ITGA11: variants seen among roughly 807,000 people sequenced by gnomAD.
ITGA11 encodes integrin subunit alpha 11, also known as integrin alpha-11.
In ITGA11, 97 loss-of-function variants were observed where a neutral mutation model predicts 141.9. The observed-to-expected ratio is 0.68, with a 90% CI of 0.58 to 0.81. The LOEUF is 0.81. Among genes scored for constraint, ITGA11 ranks in the 30% least tolerant of loss-of-function variants. The probability of loss-of-function intolerance (pLI) is 0.00; values close to 1 mark genes in which losing one functional copy is unlikely to be tolerated. For missense variants in ITGA11, 1,387 were observed against 1,559.2 expected (o/e 0.89, Z 1.86); for synonymous variants, 658 against 624.6 (o/e 1.05, Z -0.80).
chr15:68,355,457 T>A (rs906795386), intron 7 of ITGA11, among the ~76,000 whole-genome samples: 30 of 151,078 alleles, frequency 2.0e-4, no homozygotes, highest in African/African-American at 7.3e-4. Context: ...CTTTTTTTCT[T>A]TTTTTTTTGA....
In ITGA11 at chr15:68,321,611, C is replaced by T; in HGVS notation, c.2323-108G>A. On this transcript the variant is annotated intron_variant, in intron 18 of 29. Transcript: ENST00000315757. The surrounding 1 kb of genome is among the most constrained non-coding windows in gnomAD (Gnocchi z 4.9). Reference sequence around the variant, plus strand: ...CCACACTAGACATGGGCTGGCTTTCCTGCACTGTCCCCAGACACCACACTG... The same window carrying T: ...CCACACTAGACATGGGCTGGCTTTCTTGCACTGTCCCCAGACACCACACTG... The T allele has an allele frequency of 1.8e-6, 1 of 568,534 alleles. No homozygotes were observed. The highest frequency in any genetic ancestry group is 3.1e-6 in the Non-Finnish European group (1 of 325,962). The allele number at this position is 568,534 out of a possible 1,614,324, so 35.2% of individuals were successfully genotyped here. A position where few individuals can be genotyped will look rare whatever the true frequency, so the allele number is the denominator to read the frequency against.
At chr15:68,360,551 T>C (rs1046011870) in intron 5 of ITGA11, among the ~76,000 whole-genome samples, 2 of 152,106 alleles carry the variant, frequency 1.3e-5, no homozygotes, top group African/African-American at 2.4e-5. Flanking sequence ...TGGGGTGCCC[T>C]GGAATCTGCA....
chr15:68,317,704 C>T (rs1893641498), intron 20 of ITGA11, among the ~76,000 whole-genome samples: 2 of 152,304 alleles, frequency 1.3e-5, no homozygotes, highest in East Asian at 1.9e-4. Flanking sequence ...GATTACATGA[C>T]GCGATGCACA....
rs181315641 is a variant in ITGA11, at chr15:68,380,905, C to T, written c.165-11621G>A. 2.1e-3 allele frequency among the ~76,000 whole-genome samples: 325 copies of T among 152,304 alleles called. 3 individuals carry two copies. Among genetic ancestry groups the T allele is most frequent in the African/African-American group, 7.6e-3 (317 of 41,556 alleles). On this transcript the variant is annotated intron_variant, in intron 2 of 29. Coordinates refer to ENST00000315757, the MANE Select transcript of ITGA11 (RefSeq NM_001004439.2). ...CCAGAGAACTCTACTTAAAGTGGTC[C>T]TAAGTACAGACAGACGGTTGGATGC...
chr15:68,431,873 C>A, intron 1 of ITGA11, 142 bp downstream of exon 1: 1 of 516,936 alleles, frequency 1.9e-6, no homozygotes, highest in Non-Finnish European at 3.1e-6. Context: ...GGGCCAGTCC[C>A]TGGGGGACCC....
Position 68,326,686 on chromosome 15 carries a change from C to G in ITGA11, c.2179G>C (p.Glu727Gln). 3 of 1,590,736 alleles carry G rather than the reference C, an allele frequency of 1.9e-6. No individual in the cohort carries two copies. The highest frequency in any genetic ancestry group is 2.6e-6 in the Non-Finnish European group (3 of 1,168,872). Residue 727 changes from glutamate (E) to glutamine (Q), a missense_variant, in exon 17 of 30, where the codon GAG becomes CAG. By Grantham distance (29) the Glu-to-Gln change is conservative (BLOSUM62 2). Transcript: ENST00000315757. The surrounding 1 kb of genome is among the most constrained non-coding windows in gnomAD (Gnocchi z 6.8). ...TGGAAGTTGATCCGCTCACAGAGCT[C>G]CTGGCCGGAGGAGAGCAGTACGGCT... The part of the protein sequence containing the change: ...NRAVLLSSGQ[E>Q]LCERINFHVL...
intron 5 of ITGA11, among the ~76,000 whole-genome samples, chr15:68,361,177 C>T (rs1895232097): frequency 6.6e-6 from 1 of 152,194 alleles, no homozygotes; most frequent in Admixed American, 6.5e-5. Flanking sequence ...CTCCCTGTTC[C>T]TTCATCTACA....
rs1895139284 is a variant in ITGA11, at chr15:68,358,486, T to G, written c.572A>C (p.Lys191Thr). Residue 191 changes from lysine to threonine, a missense_variant, in exon 6 of 30, where the codon AAG (lysine) becomes ACG (threonine). Transcript: ENST00000315757. ...VQHFLINILK[K>T]FYIGPGQIQV... is the part of the protein sequence containing the mutation. Reference sequence around the variant, plus strand: ...GATCTGCCCTGGGCCAATGTAAAACTTTTTCAGGATGTTGATGAGGAAGTG... The same window carrying G: ...GATCTGCCCTGGGCCAATGTAAAACGTTTTCAGGATGTTGATGAGGAAGTG... The G allele has an allele frequency of 4.3e-6, 7 of 1,613,290 alleles. No homozygotes were observed. The highest frequency in any genetic ancestry group is 5.9e-6 in the Non-Finnish European group (7 of 1,179,746).
intron 1 of ITGA11, among the ~76,000 whole-genome samples, chr15:68,405,462 C>T (rs182898502): frequency 3.0e-4 from 45 of 152,044 alleles, no homozygotes; most frequent in African/African-American, 1.0e-3. Flanking sequence ...TCTATCGTCA[C>T]GATTCCTAAT....
intron 2 of ITGA11, among the ~76,000 whole-genome samples, chr15:68,377,934 C>A (rs1318072076): frequency 6.6e-6 from 1 of 152,228 alleles, no homozygotes; most frequent in African/African-American, 2.4e-5. Flanking sequence ...ATGCTGGAAT[C>A]TCCTGCCCAA....
rs2140343655 is a variant in ITGA11, at chr15:68,358,566, G to A, written c.492C>T (p.Asp164=). 1 of 1,613,570 alleles carries A rather than the reference G, an allele frequency of 6.2e-7. No individual in the cohort carries two copies. The part of the protein sequence containing the change: ...PALQRCQTYM[D]IVIVLDGSNS... ...TGGAGCCATCCAGGACAATGACGAT[G>A]TCCATGTAGGTCTGGCACCCTGGAA... is the stretch of plus-strand genomic sequence containing the variant. Residue 164 remains aspartate, a synonymous_variant, in exon 6 of 30, where the codon GAC becomes GAT. Transcript: ENST00000315757.
At chr15:68,408,404 C>A (rs1226464706) in intron 1 of ITGA11, among the ~76,000 whole-genome samples, 1 of 152,112 alleles carries the variant, frequency 6.6e-6, no homozygotes. Context: ...ACTCCTGTCT[C>A]CCGCATCAGG....
Position 68,321,357 on chromosome 15 carries a change from C to A in ITGA11, c.2408+61G>T. On this transcript the variant is annotated intron_variant, in intron 19 of 29. Coordinates refer to ENST00000315757, the MANE Select transcript of ITGA11 (RefSeq NM_001004439.2). The surrounding 1 kb of genome is among the most constrained non-coding windows in gnomAD (Gnocchi z 4.9). ...GGAAATAATCCAGGGCCCCAGGAGC[C>A]CCAGAGCCTCTGGCAGTGAAGGGGA... 9.3e-7 allele frequency: 1 copy of A among 1,069,758 alleles called. No individual in the cohort carries two copies. The highest frequency in any genetic ancestry group is 1.3e-6 in the Non-Finnish European group (1 of 748,644). 66.3% of individuals were successfully genotyped at this position (1,069,758 alleles called of 1,614,324 possible). A position where few individuals can be genotyped will look rare whatever the true frequency, so the allele number is the denominator to read the frequency against.
At chr15:68,411,845 G>T (rs1352538866) in intron 1 of ITGA11, among the ~76,000 whole-genome samples, 1 of 152,104 alleles carries the variant, frequency 6.6e-6, no homozygotes, top group East Asian at 1.9e-4. Flanking sequence ...ATTTCTGCTT[G>T]CTGGCACTTC....
At chr15:68,399,784 C>T (rs1328245681) in intron 2 of ITGA11, among the ~76,000 whole-genome samples, 2 of 152,004 alleles carry the variant, frequency 1.3e-5, no homozygotes, top group Non-Finnish European at 2.9e-5. Flanking sequence ...GAACTATAGA[C>T]ATTGAGGACC....
intron 10 of ITGA11, among the ~76,000 whole-genome samples, chr15:68,342,018 GGA>G (rs1274725372): frequency 6.6e-6 from 1 of 152,222 alleles, no homozygotes; most frequent in Non-Finnish European, 1.5e-5. Flanking sequence ...TTGTGGCCAG[GGA>G]GAGTCTTCTG....
intron 10 of ITGA11, among the ~76,000 whole-genome samples, chr15:68,341,196 G>C: frequency 6.6e-6 from 1 of 152,056 alleles, no homozygotes; most frequent in East Asian, 1.9e-4. Context: ...TATGTTTCAC[G>C]TTGTACTTTC....
At chr15:68,391,530 G>A (rs1896122657) in intron 2 of ITGA11, among the ~76,000 whole-genome samples, 1 of 152,190 alleles carries the variant, frequency 6.6e-6, no homozygotes, top group African/African-American at 2.4e-5. Flanking sequence ...GCTGCTCTTG[G>A]GCTGCAGGGA....
chr15:68,313,187 C>T (rs1893452342), intron 23 of ITGA11, among the ~76,000 whole-genome samples: 1 of 152,168 alleles, frequency 6.6e-6, no homozygotes, highest in Non-Finnish European at 1.5e-5. Flanking sequence ...CCCTTCCACC[C>T]TCTAGGGATG....
Sources: gnomAD v4.1 joint callset for allele counts (sites outside exome capture counted in the v4.1 genomes callset) on GRCh38, gnomAD v4.1.1 for gene constraint, Gnocchi (gnomAD v3.1) non-coding constraint, MANE v1.5 for transcripts, NCBI Gene and HGNC (gene_info 2026-07-23, HGNC 2026-07-21) for gene names.